Variants in SNTG1 observed in about 807,000 individuals in gnomAD.
The protein encoded by SNTG1 is gamma-1-syntrophin.
Under a neutral mutation model 74.7 loss-of-function variants are expected in SNTG1, and 39 were observed. The observed-to-expected ratio is 0.52, with a 90% CI of 0.40 to 0.68. The LOEUF is 0.68. SNTG1 is among the 30% of genes least tolerant of loss of function. SNTG1 has a pLI of 0.00. For missense variants in SNTG1, 685 were observed against 609.5 expected (o/e 1.12, Z -1.30); for synonymous variants, 254 against 217.1 (o/e 1.17, Z -1.49).
At chr8:50,541,515 C>A (rs2094346827) in intron 11 of SNTG1, among the ~76,000 whole-genome samples, 2 of 151,852 alleles carry the variant, frequency 1.3e-5, no homozygotes, top group African/African-American at 4.8e-5. Context: ...TACTATATAA[C>A]CTTATTTAAT....
chr8:50,267,679 A>G (rs543014400), intron 2 of SNTG1, among the ~76,000 whole-genome samples: 2 of 152,214 alleles, frequency 1.3e-5, no homozygotes, highest in Non-Finnish European at 2.9e-5. Flanking sequence ...GTAATCCACC[A>G]TATTAATGGG....
Position 50,792,987 on chromosome 8 carries a change from A to G in SNTG1, c.*158A>G, listed in dbSNP as rs1372657107. 12 of 641,234 alleles carry G rather than the reference A, an allele frequency of 1.9e-5. No individual in the cohort carries two copies. Among genetic ancestry groups the G allele is most frequent in the Non-Finnish European group, 2.5e-5 (10 of 405,852 alleles). The allele number at this position is 641,234 out of a possible 1,614,324, so 39.7% of individuals were successfully genotyped here. A position where few individuals can be genotyped will look rare whatever the true frequency, so the allele number is the denominator to read the frequency against. On this transcript the variant is annotated 3_prime_UTR_variant, in exon 19 of 19. Transcript: ENST00000642720. The stretch of plus-strand genomic sequence containing the variant: ...GAAGGTCATGTGGAACCTCAAAAAC[A>G]CTTCTATTCTGGATGACATCTGTGA...
intron 1 of SNTG1, among the ~76,000 whole-genome samples, chr8:49,991,132 T>C (rs993277534): frequency 2.0e-5 from 3 of 151,410 alleles, no homozygotes; most frequent in African/African-American, 4.9e-5. Flanking sequence ...GGACAAAGAG[T>C]CTGAACAGGC....
At chr8:49,983,969 A>G (rs1341574914) in intron 1 of SNTG1, among the ~76,000 whole-genome samples, 1 of 152,100 alleles carries the variant, frequency 6.6e-6, no homozygotes, top group Non-Finnish European at 1.5e-5. Flanking sequence ...TATTACTCTG[A>G]GGCACAATTC....
At chr8:50,568,782 A>AT (rs2094530364) in intron 12 of SNTG1, 1 of 152,032 alleles carries the variant, frequency 6.6e-6, no homozygotes, top group South Asian at 2.1e-4. Context: ...TACTTTGTTA[A>AT]TTGTTTTCTT....
At chr8:50,409,705 GTA>G (rs899443031) in intron 4 of SNTG1, among the ~76,000 whole-genome samples, 4 of 152,190 alleles carry the variant, frequency 2.6e-5, no homozygotes, top group African/African-American at 7.2e-5. Context: ...TCTCATGGTA[GTA>G]TACCCTTCAA....
At chr8:50,530,369 T>C in intron 10 of SNTG1, 110 bp downstream of exon 10, 2 of 1,040,920 alleles carry the variant, frequency 1.9e-6, no homozygotes, top group Non-Finnish European at 2.9e-6. Flanking sequence ...GGTTGCATAA[T>C]CATTTAAGAA....
intron 15 of SNTG1, among the ~76,000 whole-genome samples, chr8:50,670,193 G>A (rs1174838133): frequency 6.6e-6 from 1 of 152,172 alleles, no homozygotes; most frequent in Non-Finnish European, 1.5e-5. Context: ...TCTGGCCAGG[G>A]CGATTAAGCA....
intron 2 of SNTG1, among the ~76,000 whole-genome samples, chr8:50,207,846 G>T (rs1586694763): frequency 6.6e-6 from 1 of 152,136 alleles, no homozygotes; most frequent in South Asian, 2.1e-4. Flanking sequence ...TCAAGAGCAG[G>T]TTATTCAGTT....
At chr8:50,769,035 T>G (rs2131775710) in intron 18 of SNTG1, among the ~76,000 whole-genome samples, 1 of 152,090 alleles carries the variant, frequency 6.6e-6, no homozygotes, top group African/African-American at 2.4e-5. Flanking sequence ...CACTGAGGAT[T>G]CTGAATTATT....
chr8:50,763,148 T>C (rs1361039452), intron 18 of SNTG1, among the ~76,000 whole-genome samples: 1 of 151,936 alleles, frequency 6.6e-6, no homozygotes, highest in Non-Finnish European at 1.5e-5. Context: ...ATTCTTGGAA[T>C]ATGACTGTCT....
At chr8:50,560,670 A>C (rs2130680209) in intron 12 of SNTG1, among the ~76,000 whole-genome samples, 1 of 152,276 alleles carries the variant, frequency 6.6e-6, no homozygotes. Context: ...CTGAATGACA[A>C]GAACACGTGG....
At chr8:50,618,678 C>T (rs927840746) in intron 13 of SNTG1, among the ~76,000 whole-genome samples, 5 of 152,176 alleles carry the variant, frequency 3.3e-5, no homozygotes, top group Non-Finnish European at 7.3e-5. Context: ...CCCATTAGGT[C>T]GTTGGCAAAA....
intron 1 of SNTG1, among the ~76,000 whole-genome samples, chr8:50,080,300 G>C (rs987997817): frequency 1.3e-5 from 2 of 152,136 alleles, no homozygotes; most frequent in African/African-American, 4.8e-5. Flanking sequence ...GATGGATACA[G>C]TTTTAGAGTA....
intron 3 of SNTG1, 85 bp from the exon 4 acceptor site, chr8:50,402,125 T>A: frequency 2.2e-6 from 3 of 1,348,830 alleles, no homozygotes; most frequent in Non-Finnish European, 3.0e-6. Flanking sequence ...TTATTCACCA[T>A]GTTTTGCTGT....
chr8:50,092,489 A>C (rs2079776658), intron 1 of SNTG1, among the ~76,000 whole-genome samples: 1 of 152,068 alleles, frequency 6.6e-6, no homozygotes, highest in Non-Finnish European at 1.5e-5. Flanking sequence ...AGGCAGATCC[A>C]TTTCTGGAAA....
chr8:50,529,634 G>A (rs1367964680), intron 9 of SNTG1, among the ~76,000 whole-genome samples: 9 of 151,890 alleles, frequency 5.9e-5, no homozygotes, highest in Admixed American at 5.9e-4. Flanking sequence ...GATATTAGTA[G>A]GCATCTCATT....
At chr8:50,606,575 T>G (rs1050173927) in intron 13 of SNTG1, among the ~76,000 whole-genome samples, 4 of 152,002 alleles carry the variant, frequency 2.6e-5, no homozygotes, top group African/African-American at 7.2e-5. Context: ...TTTATTTCTT[T>G]TTAATAATTC....
chr8:50,151,245 A>G (rs1057360437), intron 1 of SNTG1, among the ~76,000 whole-genome samples: 1 of 152,036 alleles, frequency 6.6e-6, no homozygotes, highest in Non-Finnish European at 1.5e-5. Flanking sequence ...TTTCTGTGGA[A>G]TTGGTGGTGA....
Sources: gnomAD v4.1 joint callset for allele counts (sites outside exome capture counted in the v4.1 genomes callset) on GRCh38, gnomAD v4.1.1 for gene constraint, MANE v1.5 for transcripts, NCBI Gene and HGNC (gene_info 2026-07-23, HGNC 2026-07-21) for gene names.